VPS54: variants seen among roughly 807,000 people sequenced by gnomAD.
VPS54 encodes VPS54 subunit of GARP complex, also known as vacuolar protein sorting-associated protein 54.
Under a neutral mutation model 121.5 loss-of-function variants are expected in VPS54, and 45 were observed. The observed-to-expected ratio is 0.37, with a 90% confidence interval of 0.29 to 0.47. VPS54 has a LOEUF of 0.47. Ranked by LOEUF, VPS54 falls within the 20% of genes least tolerant of loss-of-function variation. VPS54 has a pLI of 0.99. For missense variants in VPS54, 1,090 were observed against 1,131.4 expected, an observed-to-expected ratio of 0.96 and a Z score of 0.52; for synonymous variants, 371 against 385.8, an observed-to-expected ratio of 0.96 and a Z score of 0.45.
intron 11 of VPS54, among the ~76,000 whole-genome samples, chr2:63,942,116 T>G (rs1046083696): frequency 2.0e-5 from 3 of 151,844 alleles, no homozygotes; most frequent in African/African-American, 7.3e-5. Context: ...CAACATTGAC[T>G]TTATAGAAAA....
chr2:63,928,062 G>T (rs1490867443), intron 12 of VPS54, among the ~76,000 whole-genome samples: 1 of 152,204 alleles, frequency 6.6e-6, no homozygotes, highest in Non-Finnish European at 1.5e-5. Context: ...GTGATGGGAA[G>T]AGTGGAACCA....
chr2:63,937,137 A>G (rs1385690102), intron 11 of VPS54, among the ~76,000 whole-genome samples: 1 of 152,206 alleles, frequency 6.6e-6, no homozygotes, highest in African/African-American at 2.4e-5. Context: ...CAACAAAAAA[A>G]TAGACAAATT....
intron 1 of VPS54, among the ~76,000 whole-genome samples, chr2:63,984,614 TATA>T (rs1237382028): frequency 6.7e-6 from 1 of 148,726 alleles, no homozygotes; most frequent in Non-Finnish European, 1.5e-5. Flanking sequence ...TACATAGTAA[TATA>T]ATGATTAAAA....
chr2:63,962,807 C>T (rs1365963166), intron 6 of VPS54, among the ~76,000 whole-genome samples: 1 of 152,050 alleles, frequency 6.6e-6, no homozygotes, highest in East Asian at 1.9e-4. Flanking sequence ...CCTTAGCCCC[C>T]AATATCATTG....
At chr2:63,995,531 G>A (rs1677539862) in intron 1 of VPS54, among the ~76,000 whole-genome samples, 1 of 152,200 alleles carries the variant, frequency 6.6e-6, no homozygotes, top group Non-Finnish European at 1.5e-5. Flanking sequence ...TCACTGCAAT[G>A]GCCACCACTG....
intron 3 of VPS54, among the ~76,000 whole-genome samples, chr2:63,973,746 T>C (rs1256090683): frequency 6.6e-6 from 1 of 152,202 alleles, no homozygotes; most frequent in Non-Finnish European, 1.5e-5. Context: ...GTTCTCACTA[T>C]GTTGCCCAGG....
rs1468608585 is a variant in VPS54, at chr2:64,010,762, A to G, written c.-21+8176T>C. ...GTATCACATATTATTGCTCACAAAAATCTCAATATTGAAGGTACAATTTAA... is the reference window on the plus strand; with the variant it reads ...GTATCACATATTATTGCTCACAAAAGTCTCAATATTGAAGGTACAATTTAA... On this transcript the variant is annotated intron_variant, in intron 1 of 22. Coordinates refer to ENST00000272322, the MANE Select transcript of VPS54 (RefSeq NM_016516.3). Among the ~76,000 whole-genome samples, 3 of 152,226 alleles carry G rather than the reference A, an allele frequency of 2.0e-5. No homozygotes were observed. The East Asian group carries it at 5.8e-4, about 29-fold the overall frequency.
chr2:63,923,177 G>A (rs1030517246), intron 12 of VPS54, among the ~76,000 whole-genome samples: 10 of 151,904 alleles, frequency 6.6e-5, no homozygotes, highest in Non-Finnish European at 1.3e-4. Context: ...TTAGCCAGGC[G>A]TGGTGGCAGG....
chr2:63,906,804 A>T (rs1432775875), intron 20 of VPS54, among the ~76,000 whole-genome samples: 1 of 152,196 alleles, frequency 6.6e-6, no homozygotes, highest in Non-Finnish European at 1.5e-5. Flanking sequence ...ATTCAACGCA[A>T]TTTCAATCAA....
intron 12 of VPS54, among the ~76,000 whole-genome samples, chr2:63,921,605 G>A (rs1197192823): frequency 2.0e-5 from 3 of 152,078 alleles, no homozygotes; most frequent in African/African-American, 2.4e-5. Context: ...AGAGCTTACT[G>A]AAACCTCAAA....
rs1208423832 is a variant in VPS54 at position 63,968,983 on chromosome 2, T to C, written c.466A>G (p.Arg156Gly). ...RTLLHTHDKS[R>G]TDLEQVPKIF... ...TTAGGTACTTGCTCCAGATCTGTCC[T>C]GGATTTATCTATTTAAAAAAGAAGG... The change falls in exon 5 of 23, where the codon AGG (arginine) becomes GGG (glycine). Residue 156 changes from arginine (R) to glycine (G), a missense_variant. Around this residue, in one of 2 missense-constraint regions of VPS54, gnomAD observed 801 missense variants for 757.0 expected, o/e 1.06. Transcript: ENST00000272322. 2 of 1,601,796 alleles carry C rather than the reference T, an allele frequency of 1.2e-6. No homozygotes were observed. The highest frequency in any genetic ancestry group is 2.7e-5 in the African/African-American group (2 of 74,136).
intron 16 of VPS54, 96 bp downstream of exon 16, chr2:63,916,804 T>C: frequency 1.6e-6 from 2 of 1,214,496 alleles, no homozygotes; most frequent in South Asian, 2.5e-5. Flanking sequence ...CTGTTAAAAC[T>C]GTTAATCCAA....
intron 1 of VPS54, among the ~76,000 whole-genome samples, chr2:64,001,638 C>G (rs1011406455): frequency 6.6e-6 from 1 of 152,044 alleles, no homozygotes; most frequent in African/African-American, 2.4e-5. Context: ...CCCTTCTAGC[C>G]CAGGCGTGTG....
intron 11 of VPS54, among the ~76,000 whole-genome samples, chr2:63,939,718 C>A (rs556448108): frequency 5.9e-5 from 9 of 151,528 alleles, no homozygotes; most frequent in South Asian, 2.1e-4. Context: ...AAAAAAAATT[C>A]TTTTTGACAT....
At chr2:63,937,182 A>G (rs780541134) in intron 11 of VPS54, among the ~76,000 whole-genome samples, 21 of 152,182 alleles carry the variant, frequency 1.4e-4, no homozygotes, top group South Asian at 4.1e-4. Context: ...TCTATGCATC[A>G]AAAGACACCA....
At chr2:63,951,500 T>G (rs1675242374) in intron 7 of VPS54, among the ~76,000 whole-genome samples, 1 of 152,130 alleles carries the variant, frequency 6.6e-6, no homozygotes, top group Non-Finnish European at 1.5e-5. Context: ...TAGCATCACT[T>G]CAGCTCACCA....
chr2:64,010,559 C>T (rs1370616204), intron 1 of VPS54, among the ~76,000 whole-genome samples: 1 of 152,198 alleles, frequency 6.6e-6, no homozygotes, highest in Non-Finnish European at 1.5e-5. Context: ...CATCAAATAT[C>T]TCATGTTCTA....
At chr2:63,995,353 T>A (rs1163250546) in intron 1 of VPS54, among the ~76,000 whole-genome samples, 5 of 152,270 alleles carry the variant, frequency 3.3e-5, no homozygotes, top group Non-Finnish European at 7.3e-5. Flanking sequence ...AGGAAAAGTA[T>A]AATGTTGGTT....
intron 11 of VPS54, among the ~76,000 whole-genome samples, chr2:63,940,197 G>A (rs150282783): frequency 6.6e-6 from 1 of 152,006 alleles, no homozygotes; most frequent in East Asian, 1.9e-4. Flanking sequence ...TTAGACATCT[G>A]GGTTCTTTCC....
Sources: gnomAD v4.1 joint callset for allele counts (sites outside exome capture counted in the v4.1 genomes callset) on GRCh38, gnomAD v4.1.1 for gene constraint, gnomAD v4.1.1 regional missense constraint, MANE v1.5 for transcripts, NCBI Gene and HGNC (gene_info 2026-07-23, HGNC 2026-07-21) for gene names.